The following SETBP1 variants were observed in gnomAD, a reference collection of about 807,000 sequenced individuals.
The protein encoded by SETBP1 is SET binding protein 1, also known as SET-binding protein.
In SETBP1, 9 loss-of-function variants were observed where a neutral mutation model predicts 101.0. The ratio of observed to expected loss-of-function variants is 0.09; its 90% CI spans 0.05 to 0.16. The LOEUF (loss-of-function observed/expected upper bound fraction) is 0.16, where lower values mean the gene tolerates loss of function less well. Ranked by LOEUF, SETBP1 falls within the 10% of genes least tolerant of loss-of-function variation. The pLI, the probability that SETBP1 is intolerant of heterozygous loss-of-function variation, is 1.00. For synonymous variants in SETBP1, 818 were observed against 788.5 expected, an observed-to-expected ratio of 1.04 and a Z score of -0.63; for missense variants, 1,858 against 2,033.8, an observed-to-expected ratio of 0.91 and a Z score of 1.66.
intron 4 of SETBP1, among the ~76,000 whole-genome samples, chr18:45,029,861 G>T (rs2073252897): frequency 6.6e-6 from 1 of 152,024 alleles, no homozygotes; most frequent in Admixed American, 6.6e-5. Context: ...CATTGATTTT[G>T]TATCCTGAGA....
intron 2 of SETBP1, among the ~76,000 whole-genome samples, chr18:44,819,407 G>T (rs1351012659): frequency 6.6e-6 from 1 of 152,036 alleles, no homozygotes; most frequent in Admixed American, 6.5e-5. Context: ...TTCTTTCTCT[G>T]GTAAGGCTTA....
chr18:44,813,672 G>A (rs1390290123), intron 2 of SETBP1, among the ~76,000 whole-genome samples: 3 of 152,230 alleles, frequency 2.0e-5, no homozygotes. Flanking sequence ...AGGAAAGACA[G>A]AGAACATGGT....
intron 2 of SETBP1, among the ~76,000 whole-genome samples, chr18:44,727,186 C>CTGTGTGTG (rs56695366): frequency 0.042 from 6,087 of 145,172 alleles, 155 homozygotes; most frequent in Middle Eastern, 0.1. Flanking sequence ...TATTTGATCA[C>CTGTGTGTG]TGTGTGTGTG....
At chr18:44,955,807 A>T (rs965166167) in intron 4 of SETBP1, among the ~76,000 whole-genome samples, 4 of 152,268 alleles carry the variant, frequency 2.6e-5, no homozygotes, top group Admixed American at 1.3e-4. Context: ...TCAGAATCCC[A>T]TTCATCCTCA....
intron 3 of SETBP1, among the ~76,000 whole-genome samples, chr18:44,905,436 C>T (rs615952): frequency 0.88 from 133,591 of 152,208 alleles, 58,762 homozygotes; most frequent in African/African-American, 0.93. Flanking sequence ...ACTTTATACA[C>T]AGCTCCTAGC....
chr18:44,787,253 C>T (rs764908661), intron 2 of SETBP1, among the ~76,000 whole-genome samples: 3 of 152,126 alleles, frequency 2.0e-5, no homozygotes, highest in Non-Finnish European at 4.4e-5. Flanking sequence ...CAATATCATA[C>T]AGTAGCAGTA....
intron 2 of SETBP1, among the ~76,000 whole-genome samples, chr18:44,806,892 C>T (rs895052467): frequency 4.3e-4 from 66 of 151,854 alleles, no homozygotes; most frequent in African/African-American, 1.5e-3. Flanking sequence ...TTCCCTCCTG[C>T]GTGCCACCTA....
intron 4 of SETBP1, among the ~76,000 whole-genome samples, chr18:45,007,861 C>T (rs532428754): frequency 6.6e-6 from 1 of 152,274 alleles, no homozygotes; most frequent in South Asian, 2.1e-4. Context: ...TGACCCACCT[C>T]AGGTCAGAGT....
At chr18:44,939,140 A>G (rs952900476) in intron 3 of SETBP1, among the ~76,000 whole-genome samples, 3 of 152,132 alleles carry the variant, frequency 2.0e-5, no homozygotes, top group African/African-American at 7.2e-5. Context: ...AAAGAGTATC[A>G]ACAAATGTAC....
chr18:45,016,104 A>C (rs1446343526), intron 4 of SETBP1, among the ~76,000 whole-genome samples: 1 of 152,230 alleles, frequency 6.6e-6, no homozygotes, highest in Non-Finnish European at 1.5e-5. Context: ...GATAGAGCTG[A>C]CCAGCTACTT....
intron 2 of SETBP1, among the ~76,000 whole-genome samples, chr18:44,704,979 A>T (rs1400309696): frequency 6.6e-6 from 1 of 152,156 alleles, no homozygotes; most frequent in Non-Finnish European, 1.5e-5. Context: ...TTGAGCTGCT[A>T]GTGATTCCTA....
At position 44,950,773 on chromosome 18, in the gene SETBP1, T is replaced by A; in HGVS notation, c.1433T>A (p.Val478Asp). 1 of 1,614,126 alleles carries A rather than the reference T, an allele frequency of 6.2e-7. No individual in the cohort carries two copies. Among genetic ancestry groups the A allele is most frequent in the South Asian group, 1.1e-5 (1 of 91,080 alleles). Residue 478 changes from valine to aspartate, a missense_variant, in exon 4 of 6, where the codon GTT becomes GAT. Around this residue, in one of 12 missense-constraint regions of SETBP1, gnomAD observed 581 missense variants for 535.1 expected, o/e 1.09. Coordinates refer to ENST00000649279, the MANE Select transcript of SETBP1 (RefSeq NM_015559.3). ...ATGATAGAGAATGAGTCCCCCTCAG[T>A]TGGCCTTGAAACTGGTGGAAATGCT... ...SKMIENESPS[V>D]GLETGGNAEK...
intron 2 of SETBP1, among the ~76,000 whole-genome samples, chr18:44,805,992 G>A (rs1599152653): frequency 6.6e-6 from 1 of 152,278 alleles, no homozygotes. Context: ...ATGCTTGGCA[G>A]GAAAGTGTGC....
intron 2 of SETBP1, among the ~76,000 whole-genome samples, chr18:44,771,705 G>A (rs774804482): frequency 1.3e-5 from 2 of 152,178 alleles, no homozygotes; most frequent in Non-Finnish European, 2.9e-5. Context: ...AGAAGGTGGA[G>A]GCAGGGTTGT....
At chr18:44,848,072 G>GGT (rs4024595) in intron 2 of SETBP1, among the ~76,000 whole-genome samples, 48,594 of 148,306 alleles carry the variant, frequency 0.33, 7,993 homozygotes, top group Non-Finnish European at 0.38. Flanking sequence ...ACTCTCTGAA[G>GGT]GTGTGTGTGT....
At chr18:44,768,456 T>C (rs1271620258) in intron 2 of SETBP1, among the ~76,000 whole-genome samples, 1 of 152,182 alleles carries the variant, frequency 6.6e-6, no homozygotes, top group Non-Finnish European at 1.5e-5. Flanking sequence ...AAGGTGTAAA[T>C]GTTTTCAGAT....
chr18:44,831,495 CA>C (rs1021111153), intron 2 of SETBP1, among the ~76,000 whole-genome samples: 10 of 152,292 alleles, frequency 6.6e-5, no homozygotes, highest in African/African-American at 2.2e-4. Flanking sequence ...ACATTAGACT[CA>C]GATATTCATG....
rs2072321212 is a variant in SETBP1 at position 44,989,860 on chromosome 18, C to T, written c.4000+36520C>T. ...CTCCAGCCTGGGCGACAGAGCGAGA[C>T]TCCGTCTCAAAAAAAAAAAAAAAAA... On this transcript the variant is annotated intron_variant, in intron 4 of 5. Transcript: ENST00000649279. 5.1e-5 allele frequency among the ~76,000 whole-genome samples: 4 copies of T among 78,572 alleles called. No individual in the cohort carries two copies. The South Asian group carries it at 2.3e-3, about 44-fold the overall frequency. 51.5% of individuals were successfully genotyped at this position (78,572 alleles called of 152,430 possible). A position where few individuals can be genotyped will look rare whatever the true frequency, so the allele number is the denominator to read the frequency against.
chr18:44,903,468 C>A (rs904651809), intron 3 of SETBP1, among the ~76,000 whole-genome samples: 2 of 152,158 alleles, frequency 1.3e-5, no homozygotes, highest in Non-Finnish European at 2.9e-5. Context: ...TGCCCAGCCA[C>A]GCTGTGAGAC....
Sources: gnomAD v4.1 joint callset for allele counts (sites outside exome capture counted in the v4.1 genomes callset) on GRCh38, gnomAD v4.1.1 for gene constraint, gnomAD v4.1.1 regional missense constraint, MANE v1.5 for transcripts, NCBI Gene and HGNC (gene_info 2026-07-23, HGNC 2026-07-21) for gene names.